Variants in ZNF519 observed in about 807,000 individuals in gnomAD.
The protein encoded by ZNF519 is zinc finger protein 519, also known as similar to Zinc finger protein 85 (Zinc finger protein HPF4) (HTF1).
Under a neutral mutation model 7.4 loss-of-function variants are expected in ZNF519, and 7 were observed. That is an observed-to-expected ratio of 0.94 (90% CI 0.54 to 1.77). The LOEUF (loss-of-function observed/expected upper bound fraction) is 1.77, where lower values mean the gene tolerates loss of function less well. ZNF519 is among the 40% of genes most tolerant of loss of function. The pLI, the probability that ZNF519 is intolerant of heterozygous loss-of-function variation, is 0.00. For synonymous variants in ZNF519, 179 were observed against 203.3 expected (o/e 0.88, Z 1.02); for missense variants, 586 against 623.1 (o/e 0.94, Z 0.63).
chr18:14,079,904 T>C lies in ZNF519; in HGVS notation c.*178-1606A>G, dbSNP rs149135075. Among the ~76,000 whole-genome samples, 463 of 152,176 alleles carry C rather than the reference T, an allele frequency of 3.0e-3. 1 individual carries two copies. The highest frequency in any genetic ancestry group is 0.01 in the African/African-American group (432 of 41,528). ...TCCTAAAAGAAATAACTGATAACCA[T>C]ATAATTTACCAAAATTAAACATTTC... On this transcript the variant is annotated intron_variant and NMD_transcript_variant, in intron 3 of 4. Transcript: ENST00000587419.
chr18:14,091,553 C>T (rs2046114372), intron 2 of ZNF519, among the ~76,000 whole-genome samples: 1 of 152,122 alleles, frequency 6.6e-6, no homozygotes, highest in African/African-American at 2.4e-5. Flanking sequence ...GTGACAGAGA[C>T]AGCATCATCA....
chr18:14,103,578 C>G lies in ZNF519; in HGVS notation c.*1339G>C, dbSNP rs1350001390. 6.6e-6 allele frequency: 1 copy of G among 151,962 alleles called. No homozygotes were observed. The highest frequency in any genetic ancestry group is 6.6e-5 in the Admixed American group (1 of 15,260). 9.4% of individuals were successfully genotyped at this position (151,962 alleles called of 1,614,324 possible). ...AGTAAACACCTACATTAAAAACAAACAATTTTAAATTAATAACCTAATGTT... is the reference window on the plus strand; with the variant it reads ...AGTAAACACCTACATTAAAAACAAAGAATTTTAAATTAATAACCTAATGTT... On this transcript the variant is annotated 3_prime_UTR_variant, in exon 3 of 3. Transcript: ENST00000590202.
At chr18:14,122,782 A>T (rs569089415) in intron 2 of ZNF519, among the ~76,000 whole-genome samples, 1 of 149,894 alleles carries the variant, frequency 6.7e-6, no homozygotes, top group East Asian at 2.0e-4. Context: ...TTTCCAAGTG[A>T]TTTTTTTTTT....
chr18:14,128,383 C>T (rs2046311945), intron 1 of ZNF519, among the ~76,000 whole-genome samples: 2 of 152,226 alleles, frequency 1.3e-5, no homozygotes, highest in South Asian at 2.1e-4. Context: ...ATGTGCATCA[C>T]AGGCAATATA....
chr18:14,094,342 A>G (rs1354023833), intron 2 of ZNF519, among the ~76,000 whole-genome samples: 2 of 152,220 alleles, frequency 1.3e-5, no homozygotes, highest in Admixed American at 6.5e-5. Context: ...AGTGGTAAAC[A>G]TCGGTATCCC....
chr18:14,095,058 G>T (rs2046130210), downstream of ZNF519, among the ~76,000 whole-genome samples: 1 of 152,074 alleles, frequency 6.6e-6, no homozygotes, highest in Non-Finnish European at 1.5e-5. Context: ...TTGTCCATTT[G>T]GTGAGGTCAT....
At chr18:14,071,688 C>T (rs1160109056), downstream of ZNF519, 1 of 151,980 alleles carries the variant, frequency 6.6e-6, no homozygotes, top group Admixed American at 6.6e-5. Context: ...GGTATAATTA[C>T]AAGAGCAAAA....
intron 2 of ZNF519, among the ~76,000 whole-genome samples, chr18:14,089,029 C>T (rs556605816): frequency 6.3e-4 from 96 of 152,148 alleles, no homozygotes; most frequent in African/African-American, 2.1e-3. Flanking sequence ...CTAGAACTCA[C>T]TTTTCAAATA....
At chr18:14,117,851 T>C (rs542584380) in intron 2 of ZNF519, among the ~76,000 whole-genome samples, 1 of 152,224 alleles carries the variant, frequency 6.6e-6, no homozygotes, top group Admixed American at 6.5e-5. Flanking sequence ...CCAAAGGGAA[T>C]GGTGTTAAAC....
At chr18:14,087,971 G>A (rs1008074694) in intron 2 of ZNF519, among the ~76,000 whole-genome samples, 22 of 152,232 alleles carry the variant, frequency 1.4e-4, no homozygotes, top group African/African-American at 3.6e-4. Context: ...GGAAAACAAG[G>A]AATGGAACTA....
At chr18:14,071,731 G>A (rs962805388), downstream of ZNF519, 7 of 152,046 alleles carry the variant, frequency 4.6e-5, no homozygotes, top group African/African-American at 1.7e-4. Context: ...GATATGACCT[G>A]TATTTGGTGT....
At chr18:14,108,938 A>AAACAAC (rs531091595) in intron 2 of ZNF519, among the ~76,000 whole-genome samples, 1 of 151,868 alleles carries the variant, frequency 6.6e-6, no homozygotes, top group Non-Finnish European at 1.5e-5. Flanking sequence ...TAAAAATACA[A>AAACAAC]AACAACAACA....
chr18:14,078,422 GC>G (rs1357584916), intron 3 of ZNF519: 2 of 152,084 alleles, frequency 1.3e-5, no homozygotes, highest in Admixed American at 1.3e-4. Context: ...ACTCCAAACT[GC>G]ACAATATTTA....
downstream of ZNF519, chr18:14,072,344 C>A (rs1191218715): frequency 6.6e-6 from 1 of 152,150 alleles, no homozygotes; most frequent in Non-Finnish European, 1.5e-5. Context: ...ATCATAGCCA[C>A]CCTTTGTGAA....
At chr18:14,115,647 GAAGC>G (rs1212624151) in intron 2 of ZNF519, among the ~76,000 whole-genome samples, 1 of 152,134 alleles carries the variant, frequency 6.6e-6, no homozygotes, top group Non-Finnish European at 1.5e-5. Flanking sequence ...ATTATTTACA[GAAGC>G]AAGTAAGTGG....
intron 1 of ZNF519, among the ~76,000 whole-genome samples, chr18:14,129,522 G>A (rs895853907): frequency 1.1e-4 from 17 of 152,100 alleles, no homozygotes; most frequent in South Asian, 4.1e-4. Flanking sequence ...ACAGGGTGAC[G>A]ACAAGCCTGT....
intron 1 of ZNF519, among the ~76,000 whole-genome samples, chr18:14,127,721 C>T (rs910651491): frequency 3.3e-5 from 5 of 152,070 alleles, no homozygotes; most frequent in African/African-American, 1.2e-4. Flanking sequence ...GCCAGGAGCA[C>T]TAATGGAGGT....
At chr18:14,110,404 AT>A (rs1331152816) in intron 2 of ZNF519, among the ~76,000 whole-genome samples, 1 of 152,218 alleles carries the variant, frequency 6.6e-6, no homozygotes, top group African/African-American at 2.4e-5. Context: ...AGCAGAGTAC[AT>A]AGACAACCCA....
At chr18:14,086,673 G>A (rs2046091768) in intron 2 of ZNF519, among the ~76,000 whole-genome samples, 1 of 152,140 alleles carries the variant, frequency 6.6e-6, no homozygotes. Flanking sequence ...GCAGAAACGT[G>A]CAAACCCAGT....
Sources: allele counts gnomAD v4.1 joint callset (sites outside exome capture counted in the v4.1 genomes callset), GRCh38; gene constraint gnomAD v4.1.1; transcripts MANE v1.5; gene names NCBI Gene and HGNC (gene_info 2026-07-23, HGNC 2026-07-21).